The following MED27 variants were observed in gnomAD, a reference collection of about 807,000 sequenced individuals.
MED27 encodes the protein mediator of RNA polymerase II transcription subunit 27.
MED27 carries 30 observed loss-of-function variants against 38.2 expected under a neutral mutation model. The observed-to-expected ratio is 0.79, with a 90% CI of 0.59 to 1.07. The LOEUF is 1.07. MED27 is among the 50% of genes least tolerant of loss of function. MED27 has a pLI of 0.00. For missense variants in MED27, 289 were observed against 397.5 expected (o/e 0.73, Z 2.32); for synonymous variants, 122 against 153.5 (o/e 0.79, Z 1.52).
In MED27 at chr9:131,913,780, TC is replaced by T. The variant is rs1830232889; in HGVS notation, c.574-19789del. On this transcript the variant is annotated intron_variant, in intron 4 of 7. Transcript: ENST00000292035. This position sits in a 1 kb window ranked among gnomAD's most constrained non-coding sequence, Gnocchi z 4.5. ...CTGCCTCCCGCTTTACCCCATCAAT[TC>T]TGGGGCGAAACTGACACTTCTAACA... Among the ~76,000 whole-genome samples, 2 of 152,082 alleles carry T rather than the reference TC, an allele frequency of 1.3e-5. No homozygotes were observed. Among genetic ancestry groups the T allele is most frequent in the African/African-American group, 4.8e-5 (2 of 41,410 alleles).
chr9:131,902,645 T>C (rs1287975416), intron 4 of MED27, among the ~76,000 whole-genome samples: 2 of 152,196 alleles, frequency 1.3e-5, no homozygotes, highest in African/African-American at 4.8e-5. Context: ...ACCAAACCAG[T>C]TGTGCCTCTG....
chr9:131,885,983 G>A (rs1314012987), intron 5 of MED27, among the ~76,000 whole-genome samples: 4 of 152,188 alleles, frequency 2.6e-5, no homozygotes, highest in East Asian at 3.8e-4. Context: ...GGCGGTTTAG[G>A]CCTGTGTGGT....
intron 2 of MED27, among the ~76,000 whole-genome samples, chr9:132,047,324 T>C (rs1833364474): frequency 6.6e-6 from 1 of 151,918 alleles, no homozygotes; most frequent in Non-Finnish European, 1.5e-5. Context: ...GAGTACCAAA[T>C]ACAGTTGGGG....
rs1439082899 is a variant in MED27 at position 131,872,670 on chromosome 9, G to A, written c.724-9530C>T. ...GAAGAGCGTGGGGAGGCTGGGGTGG[G>A]GCTGGGTGATTCTGCAGGCCCCTCT... On this transcript the variant is annotated intron_variant, in intron 6 of 7. Coordinates refer to ENST00000292035, the MANE Select transcript of MED27 (RefSeq NM_004269.4). The surrounding 1 kb of genome is among the most constrained non-coding windows in gnomAD (Gnocchi z 5.6). Among the ~76,000 whole-genome samples, 1 of 151,316 alleles carries A rather than the reference G, an allele frequency of 6.6e-6. No individual in the cohort carries two copies. Among genetic ancestry groups the A allele is most frequent in the African/African-American group, 2.5e-5 (1 of 40,588 alleles).
At chr9:132,076,743 C>T (rs1834056545) in intron 2 of MED27, among the ~76,000 whole-genome samples, 1 of 152,200 alleles carries the variant, frequency 6.6e-6, no homozygotes, top group Non-Finnish European at 1.5e-5. Context: ...GTACGCCACA[C>T]CACATAGCAC....
intron 2 of MED27, among the ~76,000 whole-genome samples, chr9:132,072,585 G>C (rs557704145): frequency 6.6e-6 from 1 of 152,066 alleles, no homozygotes; most frequent in South Asian, 2.1e-4. Flanking sequence ...GGAGGAGGAG[G>C]GTGTAGGGTT....
chr9:131,889,729 C>G lies in MED27; in HGVS notation c.681+4156G>C, dbSNP rs1192794456. ...TCTGGAAATTAGGGGTGGTGCTGGG[C>G]CACTACAGCAGCAAGAAGGATAATG... On this transcript the variant is annotated intron_variant, in intron 5 of 7. Coordinates refer to ENST00000292035, the MANE Select transcript of MED27 (RefSeq NM_004269.4). This position sits in a 1 kb window ranked among gnomAD's most constrained non-coding sequence, Gnocchi z 4.2. 1.3e-5 allele frequency among the ~76,000 whole-genome samples: 2 copies of G among 152,114 alleles called. No homozygotes were observed. The highest frequency in any genetic ancestry group is 2.9e-5 in the Non-Finnish European group (2 of 68,020).
At chr9:131,908,882 A>G (rs546879116) in intron 4 of MED27, among the ~76,000 whole-genome samples, 13 of 152,258 alleles carry the variant, frequency 8.5e-5, no homozygotes, top group African/African-American at 2.9e-4. Flanking sequence ...ATTAAAAAAA[A>G]AAAAAAAAAG....
chr9:131,912,696 T>C (rs1440546447), intron 4 of MED27, among the ~76,000 whole-genome samples: 1 of 152,198 alleles, frequency 6.6e-6, no homozygotes, highest in Non-Finnish European at 1.5e-5. Context: ...CTTTCAAAGA[T>C]CCACTCTTAA....
At chr9:132,025,176 GA>G (rs1832791789) in intron 2 of MED27, among the ~76,000 whole-genome samples, 1 of 99,466 alleles carries the variant, frequency 1.0e-5, no homozygotes, top group Non-Finnish European at 2.1e-5. Flanking sequence ...CAACAGATTA[GA>G]GTGAATTTTT....
chr9:131,928,134 G>A (rs927410565), intron 4 of MED27, among the ~76,000 whole-genome samples: 1 of 152,176 alleles, frequency 6.6e-6, no homozygotes, highest in African/African-American at 2.4e-5. Flanking sequence ...AACAGGAGCC[G>A]CTCTGGACAC....
At chr9:131,865,920 TCTC>T (rs1397500827) in intron 6 of MED27, among the ~76,000 whole-genome samples, 2 of 152,170 alleles carry the variant, frequency 1.3e-5, no homozygotes, top group African/African-American at 4.8e-5. Flanking sequence ...GGGCCCAGCT[TCTC>T]CTCATCTCTG....
Position 131,930,857 on chromosome 9 carries a change from G to A in MED27, c.573+8524C>T, listed in dbSNP as rs574533716. Among the ~76,000 whole-genome samples, 157 of 152,228 alleles carry A rather than the reference G, an allele frequency of 1.0e-3. 1 individual carries two copies. Among genetic ancestry groups the A allele is most frequent in the Middle Eastern group, 3.4e-3 (1 of 294 alleles). ...GAAAAACAACCAAAAGTTAAAAAGC[G>A]GGGCCATGAAAAAGTGTAGAGTTAT... is the stretch of plus-strand genomic sequence containing the variant. On this transcript the variant is annotated intron_variant, in intron 4 of 7. Transcript: ENST00000292035.
intron 6 of MED27, among the ~76,000 whole-genome samples, chr9:131,863,805 G>C (rs79169100): frequency 6.6e-6 from 1 of 152,184 alleles, no homozygotes; most frequent in African/African-American, 2.4e-5. Context: ...TGTGGCCTAT[G>C]GTCAGCACCT....
At chr9:131,873,189 T>C (rs1253596475) in intron 6 of MED27, among the ~76,000 whole-genome samples, 3 of 152,230 alleles carry the variant, frequency 2.0e-5, no homozygotes, top group Non-Finnish European at 4.4e-5. Flanking sequence ...TTGTGGGTCC[T>C]GTGGGCAAAG....
chr9:132,072,789 C>G (rs935112989), intron 2 of MED27, among the ~76,000 whole-genome samples: 1 of 152,034 alleles, frequency 6.6e-6, no homozygotes, highest in Non-Finnish European at 1.5e-5. Context: ...ATTTTCTCTC[C>G]TATTATATTC....
intron 2 of MED27, among the ~76,000 whole-genome samples, chr9:132,054,192 G>A (rs557789372): frequency 6.6e-6 from 1 of 152,268 alleles, no homozygotes; most frequent in South Asian, 2.1e-4. Flanking sequence ...GGGTGAGCGG[G>A]GCGGATCCCT....
chr9:131,921,604 G>A (rs989769204), intron 4 of MED27, among the ~76,000 whole-genome samples: 1 of 152,208 alleles, frequency 6.6e-6, no homozygotes, highest in Non-Finnish European at 1.5e-5. Context: ...AACCATTGTG[G>A]AAGACAGTGT....
chr9:131,957,197 A>C (rs905340679), intron 3 of MED27, among the ~76,000 whole-genome samples: 1 of 152,134 alleles, frequency 6.6e-6, no homozygotes, highest in African/African-American at 2.4e-5. Flanking sequence ...TTTGCCCAAG[A>C]AAAGTAAAAT....
Sources: allele counts gnomAD v4.1 joint callset (sites outside exome capture counted in the v4.1 genomes callset), GRCh38; gene constraint gnomAD v4.1.1; non-coding constraint Gnocchi (gnomAD v3.1); transcripts MANE v1.5; gene names NCBI Gene and HGNC (gene_info 2026-07-23, HGNC 2026-07-21).